The following PCSK2 variants were observed in gnomAD, a reference collection of about 807,000 sequenced individuals.
PCSK2 encodes neuroendocrine convertase 2.
PCSK2 carries 14 observed loss-of-function variants against 69.7 expected under a neutral mutation model. The observed-to-expected ratio is 0.20, with a 90% CI of 0.13 to 0.31. PCSK2 has a LOEUF of 0.31. PCSK2 is among the 10% of genes least tolerant of loss of function. PCSK2 has a pLI of 1.00. For missense variants in PCSK2, 544 were observed against 842.5 expected, an observed-to-expected ratio of 0.65 and a Z score of 4.39; for synonymous variants, 307 against 320.7, an observed-to-expected ratio of 0.96 and a Z score of 0.46.
chr20:17,347,853 A>AAAGG (rs1484180545), intron 2 of PCSK2, among the ~76,000 whole-genome samples: 5 of 130,232 alleles, frequency 3.8e-5, no homozygotes, highest in Admixed American at 7.9e-5. Flanking sequence ...AGAAAGAAAG[A>AAAGG]AAGAAAGAGG....
rs141904375 is a variant in PCSK2, at chr20:17,295,948, C to T, written c.282+35604C>T. Among the ~76,000 whole-genome samples, 12 of 152,284 alleles carry T rather than the reference C, an allele frequency of 7.9e-5. No individual in the cohort carries two copies. The East Asian group carries it at 2.1e-3, about 27-fold the overall frequency. On this transcript the variant is annotated intron_variant, in intron 2 of 11. Transcript: ENST00000262545. Reference sequence around the variant, plus strand: ...CTCAAGCAAGCTGATAGCAGGGCATCCACAAATGTGCTTGTGTGAGGGGTG... The same window carrying T: ...CTCAAGCAAGCTGATAGCAGGGCATTCACAAATGTGCTTGTGTGAGGGGTG...
intron 2 of PCSK2, among the ~76,000 whole-genome samples, chr20:17,333,184 G>GA (rs1990247667): frequency 1.3e-5 from 2 of 151,930 alleles, no homozygotes; most frequent in Non-Finnish European, 1.5e-5. Context: ...AAACAGTTCA[G>GA]AAAAAAATGA....
chr20:17,370,133 G>A (rs912568909), intron 5 of PCSK2, among the ~76,000 whole-genome samples: 10 of 152,192 alleles, frequency 6.6e-5, no homozygotes, highest in Non-Finnish European at 1.5e-4. Context: ...TCAAGCATTG[G>A]TGCGTTCACT....
Position 17,306,318 on chromosome 20 carries a change from G to GC in PCSK2, c.282+45981dup, listed in dbSNP as rs34347086. 5.3e-4 allele frequency among the ~76,000 whole-genome samples: 81 copies of GC among 151,558 alleles called. 2 individuals are homozygous for GC. The East Asian group carries it at 0.014, about 26-fold the overall frequency. ...ACTTGACACCAAACAATTAAATTATGCCCCCCCAAAAAAACGCATAAAAAT... is the reference window on the plus strand; with the variant it reads ...ACTTGACACCAAACAATTAAATTATGCCCCCCCCAAAAAAACGCATAAAAAT... On this transcript the variant is annotated intron_variant, in intron 2 of 11. Coordinates refer to ENST00000262545, the MANE Select transcript of PCSK2 (RefSeq NM_002594.5).
At chr20:17,267,020 T>C (rs1270095595) in intron 2 of PCSK2, among the ~76,000 whole-genome samples, 1 of 152,152 alleles carries the variant, frequency 6.6e-6, no homozygotes, top group Non-Finnish European at 1.5e-5. Context: ...TAAATTCACA[T>C]TTGATTCAAG....
chr20:17,413,650 C>A (rs1178441269), intron 6 of PCSK2, among the ~76,000 whole-genome samples: 1 of 152,160 alleles, frequency 6.6e-6, no homozygotes, highest in Non-Finnish European at 1.5e-5. Flanking sequence ...CAAGGATATC[C>A]AGGCTTGAAC....
At chr20:17,228,996 A>G (rs1986043624) in intron 1 of PCSK2, among the ~76,000 whole-genome samples, 1 of 152,102 alleles carries the variant, frequency 6.6e-6, no homozygotes, top group Admixed American at 6.5e-5. Context: ...GAGAGACACC[A>G]ACACAATAAA....
chr20:17,269,226 T>G (rs1433132742), intron 2 of PCSK2, among the ~76,000 whole-genome samples: 1 of 152,120 alleles, frequency 6.6e-6, no homozygotes, highest in African/African-American at 2.4e-5. Flanking sequence ...CATCTATTGT[T>G]AGTGTTCAAT....
chr20:17,338,171 T>TTG (rs199724801), intron 2 of PCSK2, among the ~76,000 whole-genome samples: 20,348 of 112,606 alleles, frequency 0.18, 2,499 homozygotes, highest in Non-Finnish European at 0.25. Flanking sequence ...ACATTTTTTT[T>TTG]GGGGGGGGGG....
chr20:17,429,262 C>A (rs16999181), intron 6 of PCSK2, among the ~76,000 whole-genome samples, 173 bp from the exon 7 acceptor site: 1 of 152,038 alleles, frequency 6.6e-6, no homozygotes, highest in Non-Finnish European at 1.5e-5. Flanking sequence ...TTGCTCAGCA[C>A]TTTAAGTCTT....
At chr20:17,320,243 A>T (rs551060753) in intron 2 of PCSK2, among the ~76,000 whole-genome samples, 5 of 152,318 alleles carry the variant, frequency 3.3e-5, no homozygotes, top group African/African-American at 1.2e-4. Context: ...GCTCTCATCC[A>T]TGTTGTTCCC....
At chr20:17,413,518 C>T (rs1478581588) in intron 6 of PCSK2, among the ~76,000 whole-genome samples, 3 of 152,118 alleles carry the variant, frequency 2.0e-5, no homozygotes. Context: ...TACAGGAGCA[C>T]CCAGATTCAT....
chr20:17,476,619 A>G (rs1342916161), intron 11 of PCSK2, among the ~76,000 whole-genome samples: 1 of 152,206 alleles, frequency 6.6e-6, no homozygotes, highest in Non-Finnish European at 1.5e-5. Flanking sequence ...ATGTATATGT[A>G]GGATAATTTA....
intron 2 of PCSK2, among the ~76,000 whole-genome samples, chr20:17,354,230 T>A (rs2030116901): frequency 1.3e-5 from 2 of 152,372 alleles, no homozygotes; most frequent in Admixed American, 6.5e-5. Flanking sequence ...TACTTTCTTA[T>A]GTTTTTTATT....
chr20:17,354,547 G>T (rs1423610897), intron 2 of PCSK2, among the ~76,000 whole-genome samples: 1 of 152,072 alleles, frequency 6.6e-6, no homozygotes, highest in Non-Finnish European at 1.5e-5. Context: ...TTTCCCAGAG[G>T]TCTTCTAAAA....
At chr20:17,285,756 A>G (rs945213630) in intron 2 of PCSK2, among the ~76,000 whole-genome samples, 7 of 152,164 alleles carry the variant, frequency 4.6e-5, no homozygotes, top group Admixed American at 4.6e-4. Flanking sequence ...CATTACTGTT[A>G]AGGAATTAGG....
rs571998061 is a variant in PCSK2, at chr20:17,299,657, T to C, written c.282+39313T>C. Among the ~76,000 whole-genome samples the C allele has an allele frequency of 3.9e-5, 6 of 152,206 alleles. No homozygotes were observed. In the East Asian group the frequency reaches 1.2e-3, roughly 29 times the overall value. ...TTTCTCTTTTCTTCTACAATTTTTATTTCTTTATTGTTTCCTCTGAGTTCT... is the reference window on the plus strand; with the variant it reads ...TTTCTCTTTTCTTCTACAATTTTTACTTCTTTATTGTTTCCTCTGAGTTCT... On this transcript the variant is annotated intron_variant, in intron 2 of 11. Transcript: ENST00000262545.
Position 17,482,138 on chromosome 20 carries a change from A to T in PCSK2, c.*68A>T. The stretch of plus-strand genomic sequence containing the variant: ...CGCCTCTGTCCTCGCTCCACGTTTC[A>T]GGCAGGCACCTAGCAATTCCATCAC... On this transcript the variant is annotated 3_prime_UTR_variant, in exon 12 of 12. Coordinates refer to ENST00000262545, the MANE Select transcript of PCSK2 (RefSeq NM_002594.5). 1 of 1,451,842 alleles carries T rather than the reference A, an allele frequency of 6.9e-7. No individual in the cohort carries two copies. Among genetic ancestry groups the T allele is most frequent in the Non-Finnish European group, 9.1e-7 (1 of 1,094,212 alleles). 89.9% of individuals were successfully genotyped at this position (1,451,842 alleles called of 1,614,324 possible). A position where few individuals can be genotyped will look rare whatever the true frequency, so the allele number is the denominator to read the frequency against.
intron 2 of PCSK2, among the ~76,000 whole-genome samples, chr20:17,295,246 C>T (rs1325385818): frequency 6.7e-6 from 1 of 148,248 alleles, no homozygotes; most frequent in African/African-American, 2.5e-5. Context: ...ACACACACAC[C>T]TCTCTCAAGA....
Sources: allele counts gnomAD v4.1 joint callset (sites outside exome capture counted in the v4.1 genomes callset), GRCh38; gene constraint gnomAD v4.1.1; transcripts MANE v1.5; gene names NCBI Gene and HGNC (gene_info 2026-07-23, HGNC 2026-07-21).